The following BAIAP2L1 variants were observed in gnomAD, a reference collection of about 807,000 sequenced individuals.
BAIAP2L1 encodes the protein BAR/IMD domain containing adaptor protein 2 like 1.
BAIAP2L1 carries 35 observed loss-of-function variants against 66.3 expected under a neutral mutation model. The ratio of observed to expected loss-of-function variants is 0.53; its 90% CI spans 0.40 to 0.70. BAIAP2L1 has a LOEUF of 0.70. Among genes scored for constraint, BAIAP2L1 ranks in the 30% least tolerant of loss-of-function variants. BAIAP2L1 has a pLI of 0.00. For missense variants in BAIAP2L1, 622 were observed against 656.9 expected (o/e 0.95, Z 0.58); for synonymous variants, 269 against 248.7 (o/e 1.08, Z -0.77).
intron 11 of BAIAP2L1, among the ~76,000 whole-genome samples, chr7:98,304,852 A>T (rs1238417364): frequency 2.0e-5 from 3 of 148,922 alleles, no homozygotes; most frequent in Non-Finnish European, 4.4e-5. Flanking sequence ...TTCTAAACAT[A>T]TCCTCACAAG....
At chr7:98,345,274 G>A (rs923466613) in intron 3 of BAIAP2L1, among the ~76,000 whole-genome samples, 3 of 152,170 alleles carry the variant, frequency 2.0e-5, no homozygotes. Flanking sequence ...AAAACACCTA[G>A]CAGAATTTGA....
intron 1 of BAIAP2L1, among the ~76,000 whole-genome samples, chr7:98,390,279 T>C (rs1803003059): frequency 6.6e-6 from 1 of 152,088 alleles, no homozygotes; most frequent in Non-Finnish European, 1.5e-5. Flanking sequence ...TCATAAGATT[T>C]AAAATTAGGT....
At chr7:98,315,845 C>T (rs1283146264) in intron 6 of BAIAP2L1, among the ~76,000 whole-genome samples, 2 of 152,282 alleles carry the variant, frequency 1.3e-5, no homozygotes, top group South Asian at 2.1e-4. Flanking sequence ...GACATTCCCA[C>T]GGGGCAATTT....
Position 98,294,112 on chromosome 7 carries a change from C to G in BAIAP2L1, c.1423-1G>C, listed in dbSNP as rs1325955825. 1 of 1,613,998 alleles carries G rather than the reference C, an allele frequency of 6.2e-7. No individual in the cohort carries two copies. The highest frequency in any genetic ancestry group is 8.5e-7 in the Non-Finnish European group (1 of 1,179,880). On this transcript the variant is annotated splice_acceptor_variant, in intron 12 of 13. Coordinates refer to ENST00000005260, the MANE Select transcript of BAIAP2L1 (RefSeq NM_018842.5). LOFTEE classifies it high-confidence loss of function. Reference sequence around the variant, plus strand: ...GCTTTGCAGTCCCGTTGGCATCGTTCTGTGAGAAAGATAAAGAAGTTTATG... The same window carrying G: ...GCTTTGCAGTCCCGTTGGCATCGTTGTGTGAGAAAGATAAAGAAGTTTATG...
Position 98,293,657 on chromosome 7 carries a change from C to T in BAIAP2L1, c.1461-61G>A, listed in dbSNP as rs372615559. On this transcript the variant is annotated intron_variant, in intron 13 of 13. Transcript: ENST00000005260. ...CTCTACGAGGGAAACTGGATTTTAA[C>T]AGTGCTAATAACCCGTTCTTGCCCT... 8 of 1,519,018 alleles carry T rather than the reference C, an allele frequency of 5.3e-6. No homozygotes were observed. In the East Asian group the frequency reaches 9.0e-5, roughly 17 times the overall value. 94.1% of individuals were successfully genotyped at this position (1,519,018 alleles called of 1,614,324 possible). A position where few individuals can be genotyped will look rare whatever the true frequency, so the allele number is the denominator to read the frequency against.
chr7:98,383,437 C>G (rs1403041801), intron 1 of BAIAP2L1, among the ~76,000 whole-genome samples: 2 of 151,918 alleles, frequency 1.3e-5, no homozygotes, highest in Non-Finnish European at 2.9e-5. Flanking sequence ...GCATGCGCCA[C>G]CACGCTTGGC....
At chr7:98,336,675 A>C (rs143480333) in intron 3 of BAIAP2L1, among the ~76,000 whole-genome samples, 3 of 152,368 alleles carry the variant, frequency 2.0e-5, no homozygotes, top group African/African-American at 7.2e-5. Context: ...CCAGTCTTCC[A>C]GTTTTTGAAG....
intron 3 of BAIAP2L1, among the ~76,000 whole-genome samples, chr7:98,337,786 C>T (rs1350400722): frequency 6.6e-6 from 1 of 152,038 alleles, no homozygotes; most frequent in Admixed American, 6.5e-5. Flanking sequence ...GGCTTGGTGA[C>T]GTGCACCTGT....
intron 3 of BAIAP2L1, among the ~76,000 whole-genome samples, chr7:98,351,424 T>A (rs1181150407): frequency 6.6e-6 from 1 of 152,216 alleles, no homozygotes; most frequent in Non-Finnish European, 1.5e-5. Flanking sequence ...CCTTGGCTCA[T>A]GCCTGGGGAG....
Position 98,393,183 on chromosome 7 carries a change from A to G in BAIAP2L1, c.51+7619T>C, listed in dbSNP as rs1459408969. Among the ~76,000 whole-genome samples the G allele has an allele frequency of 1.1e-4, 13 of 122,102 alleles. 1 individual carries two copies. Among genetic ancestry groups the G allele is most frequent in the East Asian group, 6.3e-4 (3 of 4,756 alleles). 80.1% of individuals were successfully genotyped at this position (122,102 alleles called of 152,430 possible). A position where few individuals can be genotyped will look rare whatever the true frequency, so the allele number is the denominator to read the frequency against. Reference sequence around the variant, plus strand: ...CACATATATGTATATATATACATATATGTGTGTGTTTATATATATATGTAA... The same window carrying G: ...CACATATATGTATATATATACATATGTGTGTGTGTTTATATATATATGTAA... On this transcript the variant is annotated intron_variant, in intron 1 of 13. Transcript: ENST00000005260.
In BAIAP2L1 at chr7:98,393,875, G is replaced by A. The variant is rs183570070; in HGVS notation, c.51+6927C>T. Among the ~76,000 whole-genome samples, 673 of 147,626 alleles carry A rather than the reference G, an allele frequency of 4.6e-3. 1 individual carries two copies. Among genetic ancestry groups the A allele is most frequent in the African/African-American group, 0.016 (632 of 40,302 alleles). On this transcript the variant is annotated intron_variant, in intron 1 of 13. Transcript: ENST00000005260. Reference sequence around the variant, plus strand: ...TCCCAGCACTTTGGGAGGCCGAGGCGGGCGGATCACCTGAAGTCGGGAGTT... The same window carrying A: ...TCCCAGCACTTTGGGAGGCCGAGGCAGGCGGATCACCTGAAGTCGGGAGTT...
At chr7:98,357,586 CATAT>C (rs1442235506) in intron 2 of BAIAP2L1, among the ~76,000 whole-genome samples, 2 of 139,490 alleles carry the variant, frequency 1.4e-5, no homozygotes, top group South Asian at 2.3e-4. Context: ...AAAAAAAGTA[CATAT>C]ATATTTATAT....
intron 1 of BAIAP2L1, among the ~76,000 whole-genome samples, chr7:98,384,762 G>T (rs571718812): frequency 3.1e-4 from 44 of 140,408 alleles, no homozygotes; most frequent in African/African-American, 1.1e-3. Flanking sequence ...TAGGTGGCAC[G>T]ATCTCGGCTC....
intron 3 of BAIAP2L1, among the ~76,000 whole-genome samples, chr7:98,348,805 T>C (rs538876747): frequency 6.6e-6 from 1 of 152,310 alleles, no homozygotes; most frequent in East Asian, 1.9e-4. Context: ...ACCTCCATGG[T>C]GAGTAAATAA....
intron 12 of BAIAP2L1, among the ~76,000 whole-genome samples, chr7:98,298,078 T>G (rs1036074304): frequency 6.6e-6 from 1 of 151,696 alleles, no homozygotes; most frequent in Non-Finnish European, 1.5e-5. Flanking sequence ...TAATAAAAAC[T>G]TAAAGAGATA....
intron 7 of BAIAP2L1, among the ~76,000 whole-genome samples, chr7:98,314,564 G>A (rs1801000218): frequency 1.3e-5 from 2 of 152,198 alleles, no homozygotes; most frequent in Non-Finnish European, 2.9e-5. Context: ...GATTCCTGGG[G>A]GTTCGAACCT....
chr7:98,368,379 A>C (rs1802436573), intron 1 of BAIAP2L1, among the ~76,000 whole-genome samples: 1 of 152,200 alleles, frequency 6.6e-6, no homozygotes. Flanking sequence ...AGACCGTGCC[A>C]TTGCACTCCA....
In BAIAP2L1 at chr7:98,294,124, TAAAG is replaced by T. The variant is rs776353868; in HGVS notation, c.1423-17_1423-14del. ...CGTTGGCATCGTTCTGTGAGAAAGATAAAGAAGTTTATGGAGGGCTTAGAATTGG... is the reference window on the plus strand; with the variant it reads ...CGTTGGCATCGTTCTGTGAGAAAGATAAGTTTATGGAGGGCTTAGAATTGG... On this transcript the variant is annotated splice_polypyrimidine_tract_variant and intron_variant, in intron 12 of 13. Transcript: ENST00000005260. 3.9e-5 allele frequency: 63 copies of T among 1,613,614 alleles called. No homozygotes were observed. Among genetic ancestry groups the T allele is most frequent in the East Asian group, 3.1e-4 (14 of 44,896 alleles).
At chr7:98,393,018 T>C (rs894649512) in intron 1 of BAIAP2L1, among the ~76,000 whole-genome samples, 62 of 137,152 alleles carry the variant, frequency 4.5e-4, no homozygotes, top group South Asian at 2.2e-3. Flanking sequence ...TGTATATATA[T>C]ACATACACAC....
Sources: allele counts gnomAD v4.1 joint callset (sites outside exome capture counted in the v4.1 genomes callset), GRCh38; gene constraint gnomAD v4.1.1; transcripts MANE v1.5; gene names NCBI Gene and HGNC (gene_info 2026-07-23, HGNC 2026-07-21).